Variants in RAP1A observed in about 807,000 individuals in gnomAD.
The protein encoded by RAP1A is RAP1A, member of RAS oncogene family, also known as ras-related protein Rap-1A.
Under a neutral mutation model 26.4 loss-of-function variants are expected in RAP1A, and 6 were observed. The ratio of observed to expected loss-of-function variants is 0.23; its 90% CI spans 0.12 to 0.45. The LOEUF is 0.45. Among genes scored for constraint, RAP1A ranks in the 20% least tolerant of loss-of-function variants. RAP1A has a pLI of 0.99. For synonymous variants in RAP1A, 73 were observed against 79.4 expected (o/e 0.92, Z 0.43); for missense variants, 121 against 217.2 (o/e 0.56, Z 2.78).
intron 1 of RAP1A, among the ~76,000 whole-genome samples, chr1:111,610,730 G>GC (rs1377134375): frequency 1.3e-5 from 2 of 152,180 alleles, no homozygotes; most frequent in Non-Finnish European, 2.9e-5. Context: ...AGTAGCATAA[G>GC]CCCCAGGCTT....
At chr1:111,562,795 G>A (rs1462426396) in intron 1 of RAP1A, among the ~76,000 whole-genome samples, 3 of 152,304 alleles carry the variant, frequency 2.0e-5, no homozygotes, top group African/African-American at 4.8e-5. Flanking sequence ...CTAAAACCAA[G>A]ATTAGCTTTG....
intron 1 of RAP1A, among the ~76,000 whole-genome samples, chr1:111,639,137 C>T (rs1481072798): frequency 6.6e-6 from 1 of 152,094 alleles, no homozygotes; most frequent in Non-Finnish European, 1.5e-5. Context: ...AGGAGATACA[C>T]TATCTTTTTT....
chr1:111,567,456 G>A (rs1446207040), intron 1 of RAP1A, among the ~76,000 whole-genome samples: 1 of 152,322 alleles, frequency 6.6e-6, no homozygotes, highest in Admixed American at 6.5e-5. Flanking sequence ...GATTAACTCT[G>A]TACTACTAGC....
intron 1 of RAP1A, among the ~76,000 whole-genome samples, chr1:111,577,985 G>A (rs75285303): frequency 0.016 from 2,496 of 152,290 alleles, 80 homozygotes; most frequent in African/African-American, 0.057. Context: ...GTCACTTAGA[G>A]GGAGACAAGA....
intron 4 of RAP1A, among the ~76,000 whole-genome samples, chr1:111,702,753 T>C (rs755487541): frequency 7.9e-5 from 12 of 152,086 alleles, no homozygotes; most frequent in Non-Finnish European, 1.6e-4. Context: ...AGAGGCAGGG[T>C]TTCACTGTGT....
At chr1:111,552,798 A>T (rs61788210) in intron 1 of RAP1A, among the ~76,000 whole-genome samples, 1 of 152,004 alleles carries the variant, frequency 6.6e-6, no homozygotes, top group African/African-American at 2.4e-5. Flanking sequence ...CAGTTTTAAC[A>T]TCTGTAAAAT....
intron 1 of RAP1A, among the ~76,000 whole-genome samples, chr1:111,564,807 C>T (rs1466326559): frequency 2.6e-5 from 4 of 151,196 alleles, no homozygotes; most frequent in Admixed American, 6.6e-5. Context: ...CCACCACACC[C>T]GGCCTGTGAG....
chr1:111,601,279 T>C (rs1268658077), intron 1 of RAP1A, among the ~76,000 whole-genome samples: 1 of 152,110 alleles, frequency 6.6e-6, no homozygotes, highest in Non-Finnish European at 1.5e-5. Flanking sequence ...ACCACACCGA[T>C]TGTCCTGGGT....
At chr1:111,618,497 T>A (rs1302342864), upstream of RAP1A, among the ~76,000 whole-genome samples, 2 of 152,186 alleles carry the variant, frequency 1.3e-5, no homozygotes, top group Admixed American at 1.3e-4. Flanking sequence ...CCTTCAGCTA[T>A]CTCCCCTCCC....
At chr1:111,640,850 G>A (rs1659868219) in intron 1 of RAP1A, among the ~76,000 whole-genome samples, 1 of 152,112 alleles carries the variant, frequency 6.6e-6, no homozygotes, top group African/African-American at 2.4e-5. Flanking sequence ...TATAATCCCA[G>A]ATACTCAGAA....
intron 1 of RAP1A, among the ~76,000 whole-genome samples, chr1:111,638,815 A>G (rs547858344): frequency 6.6e-6 from 1 of 151,842 alleles, no homozygotes; most frequent in Admixed American, 6.6e-5. Flanking sequence ...ACATGTTCTA[A>G]TAAGTAGGCA....
At chr1:111,695,203 T>TTAATAA (rs200705780) in intron 2 of RAP1A, 138 bp from the exon 3 acceptor site, 19 of 329,428 alleles carry the variant, frequency 5.8e-5, no homozygotes, top group Non-Finnish European at 7.1e-5. Context: ...ATTGAAAGAA[T>TTAATAA]TAATAATATA....
At chr1:111,700,522 C>T (rs1162962629) in intron 4 of RAP1A, among the ~76,000 whole-genome samples, 1 of 152,160 alleles carries the variant, frequency 6.6e-6, no homozygotes, top group African/African-American at 2.4e-5. Flanking sequence ...ACCCAAATAC[C>T]TCCCACAGGC....
intron 1 of RAP1A, among the ~76,000 whole-genome samples, chr1:111,655,687 A>T (rs1355734410): frequency 3.9e-5 from 3 of 77,538 alleles, no homozygotes; most frequent in African/African-American, 1.2e-4. Flanking sequence ...TTTTTTTTTA[A>T]GACGGAATCT....
At chr1:111,642,167 C>T (rs1420925679) in intron 1 of RAP1A, among the ~76,000 whole-genome samples, 2 of 152,088 alleles carry the variant, frequency 1.3e-5, no homozygotes, top group Admixed American at 6.5e-5. Flanking sequence ...ATCACGTGAA[C>T]CCGGGAGGCG....
intron 1 of RAP1A, among the ~76,000 whole-genome samples, chr1:111,610,008 T>C (rs1005175441): frequency 2.6e-5 from 4 of 152,346 alleles, no homozygotes; most frequent in Non-Finnish European, 5.9e-5. Flanking sequence ...TAATTTAGTT[T>C]AACATCATTC....
At chr1:111,618,583 C>CAT (rs1349492269), upstream of RAP1A, among the ~76,000 whole-genome samples, 1 of 152,116 alleles carries the variant, frequency 6.6e-6, no homozygotes, top group Non-Finnish European at 1.5e-5. Flanking sequence ...TCTCTAGACT[C>CAT]ATATATCGAT....
At chr1:111,562,038 CT>C (rs902236264) in intron 1 of RAP1A, among the ~76,000 whole-genome samples, 6 of 152,130 alleles carry the variant, frequency 3.9e-5, no homozygotes, top group African/African-American at 1.4e-4. Flanking sequence ...ACTTTTCAAT[CT>C]TTTTTCTCAA....
At chr1:111,555,181 C>T (rs1036985506) in intron 1 of RAP1A, among the ~76,000 whole-genome samples, 17 of 151,648 alleles carry the variant, frequency 1.1e-4, no homozygotes, top group Non-Finnish European at 2.4e-4. Flanking sequence ...GCCTGGCCAA[C>T]GTGACAAGAC....
Sources: allele counts gnomAD v4.1 joint callset (sites outside exome capture counted in the v4.1 genomes callset), GRCh38; gene constraint gnomAD v4.1.1; transcripts MANE v1.5; gene names NCBI Gene and HGNC (gene_info 2026-07-23, HGNC 2026-07-21).